SLC25A21: variants seen among roughly 807,000 people sequenced by gnomAD.
SLC25A21 encodes mitochondrial 2-oxodicarboxylate carrier.
In SLC25A21, 47 loss-of-function variants were observed where a neutral mutation model predicts 43.8. The observed-to-expected ratio is 1.07, with a 90% confidence interval of 0.85 to 1.37. SLC25A21 has a LOEUF of 1.37. Among genes scored for constraint, SLC25A21 ranks in the 40% most tolerant of loss-of-function variants. SLC25A21 has a pLI of 0.00. For synonymous variants in SLC25A21, 131 were observed against 121.3 expected, an observed-to-expected ratio of 1.08 and a Z score of -0.52; for missense variants, 352 against 350.2, an observed-to-expected ratio of 1.00 and a Z score of -0.04.
intron 1 of SLC25A21, among the ~76,000 whole-genome samples, chr14:37,129,182 C>T (rs1963350724): frequency 6.6e-6 from 1 of 152,138 alleles, no homozygotes; most frequent in Admixed American, 6.5e-5. Flanking sequence ...TAAAGAAACT[C>T]CTGGCTTCTC....
intron 1 of SLC25A21, among the ~76,000 whole-genome samples, chr14:37,022,914 T>C (rs1309356175): frequency 6.6e-6 from 1 of 152,024 alleles, no homozygotes; most frequent in Non-Finnish European, 1.5e-5. Flanking sequence ...ATAAAAACAA[T>C]AGCATATAAT....
intron 7 of SLC25A21, among the ~76,000 whole-genome samples, chr14:36,690,903 C>A (rs765260194): frequency 3.9e-5 from 6 of 152,176 alleles, no homozygotes; most frequent in Non-Finnish European, 8.8e-5. Flanking sequence ...TTGAGAATCA[C>A]ATGACCTGGA....
chr14:37,060,078 C>A (rs1961911844), intron 1 of SLC25A21, among the ~76,000 whole-genome samples: 1 of 151,400 alleles, frequency 6.6e-6, no homozygotes, highest in African/African-American at 2.4e-5. Context: ...AAATCCTAGC[C>A]CCTTTAAAAA....
At chr14:36,757,640 T>C (rs907746344) in intron 3 of SLC25A21, among the ~76,000 whole-genome samples, 1 of 152,228 alleles carries the variant, frequency 6.6e-6, no homozygotes, top group African/African-American at 2.4e-5. Context: ...TTTCATTGTA[T>C]GAAGGTGCTA....
At chr14:37,075,603 A>G (rs1962263559) in intron 1 of SLC25A21, among the ~76,000 whole-genome samples, 1 of 152,228 alleles carries the variant, frequency 6.6e-6, no homozygotes, top group Non-Finnish European at 1.5e-5. Flanking sequence ...TTCAAAATTT[A>G]CAAGCAATTT....
intron 1 of SLC25A21, among the ~76,000 whole-genome samples, chr14:37,020,045 A>G (rs1960950317): frequency 6.6e-6 from 1 of 152,014 alleles, no homozygotes; most frequent in Non-Finnish European, 1.5e-5. Flanking sequence ...AGAAAATAAT[A>G]CATGTAAACA....
chr14:36,841,830 GGCAA>G (rs1457378708), intron 2 of SLC25A21, among the ~76,000 whole-genome samples: 61 of 152,132 alleles, frequency 4.0e-4, no homozygotes, highest in Non-Finnish European at 7.5e-4. Context: ...TCCCTGTGCA[GGCAA>G]GTGAGGCCAA....
intron 3 of SLC25A21, among the ~76,000 whole-genome samples, chr14:36,737,282 T>TA (rs1885079965): frequency 6.6e-6 from 1 of 152,118 alleles, no homozygotes; most frequent in African/African-American, 2.4e-5. Flanking sequence ...GGTAAAATAT[T>TA]AAAAAGAGGT....
At chr14:36,729,397 T>G (rs534291886) in intron 5 of SLC25A21, 110 bp downstream of exon 5, 1 of 835,296 alleles carries the variant, frequency 1.2e-6, no homozygotes, top group African/African-American at 1.8e-5. Flanking sequence ...ACTGAATAAC[T>G]CGAATTCATA....
At chr14:36,771,822 G>C (rs561116608) in intron 3 of SLC25A21, among the ~76,000 whole-genome samples, 1 of 151,066 alleles carries the variant, frequency 6.6e-6, no homozygotes, top group African/African-American at 2.4e-5. Flanking sequence ...ATATTAATAA[G>C]GAATAGCCCT....
At chr14:36,817,008 G>A (rs533914972) in intron 2 of SLC25A21, among the ~76,000 whole-genome samples, 2 of 152,086 alleles carry the variant, frequency 1.3e-5, no homozygotes, top group South Asian at 2.1e-4. Context: ...TATATATTAT[G>A]AAAGTATTAT....
intron 2 of SLC25A21, among the ~76,000 whole-genome samples, chr14:36,849,892 GTTAA>G (rs770451427): frequency 6.2e-4 from 94 of 152,212 alleles, no homozygotes; most frequent in African/African-American, 2.0e-3. Context: ...TTAACTCACT[GTTAA>G]TTAATTAATT....
intron 1 of SLC25A21, among the ~76,000 whole-genome samples, chr14:36,900,588 T>G (rs1891371333): frequency 6.6e-6 from 1 of 152,208 alleles, no homozygotes; most frequent in African/African-American, 2.4e-5. Context: ...AAAAACACCT[T>G]TCCTATTAGG....
At chr14:36,813,871 T>A (rs543998969) in intron 3 of SLC25A21, 47 bp downstream of exon 3, 11 of 1,323,944 alleles carry the variant, frequency 8.3e-6, no homozygotes, top group Non-Finnish European at 1.2e-5. Context: ...TGAGAAAACA[T>A]GTTAAGTAGA....
intron 3 of SLC25A21, among the ~76,000 whole-genome samples, chr14:36,785,781 T>C (rs973225872): frequency 2.0e-5 from 3 of 152,134 alleles, no homozygotes; most frequent in Admixed American, 1.3e-4. Context: ...AGAACAGACA[T>C]GCACAGGTAA....
chr14:37,072,098 C>G (rs766118583), intron 1 of SLC25A21, among the ~76,000 whole-genome samples: 1 of 146,704 alleles, frequency 6.8e-6, no homozygotes, highest in Non-Finnish European at 1.5e-5. Flanking sequence ...AAGAGAATCA[C>G]TTGAACCCAG....
rs181555430 is a variant in SLC25A21, at chr14:36,726,450, A to G, written c.331-773T>C. ...CCTGTCTCAAATAAAATAAAAAAAA[A>G]AAGAAGAAGAAGAAGAAAAAGAAGA... On this transcript the variant is annotated intron_variant, in intron 5 of 9. Coordinates refer to ENST00000331299, the MANE Select transcript of SLC25A21 (RefSeq NM_030631.4). Among the ~76,000 whole-genome samples the G allele has an allele frequency of 3.3e-5, 5 of 152,166 alleles. No individual in the cohort carries two copies. The East Asian group carries it at 9.7e-4, about 29-fold the overall frequency.
At chr14:36,759,615 G>T (rs998144876) in intron 3 of SLC25A21, 3 of 152,208 alleles carry the variant, frequency 2.0e-5, no homozygotes, top group Non-Finnish European at 4.4e-5. Flanking sequence ...CAGGATCACA[G>T]AATAATTGAG....
chr14:36,957,922 G>A (rs767237842), intron 1 of SLC25A21, among the ~76,000 whole-genome samples: 3 of 152,048 alleles, frequency 2.0e-5, no homozygotes, highest in Non-Finnish European at 4.4e-5. Context: ...TTTTTCTCCT[G>A]GGTAACTCTA....
Sources: gnomAD v4.1 joint callset for allele counts (sites outside exome capture counted in the v4.1 genomes callset) on GRCh38, gnomAD v4.1.1 for gene constraint, MANE v1.5 for transcripts, NCBI Gene and HGNC (gene_info 2026-07-23, HGNC 2026-07-21) for gene names.